The following PLEKHA5 variants were observed in gnomAD, a reference collection of about 807,000 sequenced individuals.
PLEKHA5 encodes pleckstrin homology domain-containing family A member 5.
Under a neutral mutation model 181.9 loss-of-function variants are expected in PLEKHA5, and 55 were observed. That is an observed-to-expected ratio of 0.30 (90% confidence interval 0.24 to 0.38). The LOEUF is 0.38. Among genes scored for constraint, PLEKHA5 ranks in the 10% least tolerant of loss-of-function variants. PLEKHA5 has a pLI of 1.00. For missense variants in PLEKHA5, 1,432 were observed against 1,549.5 expected, an observed-to-expected ratio of 0.92 and a Z score of 1.27; for synonymous variants, 535 against 529.4, an observed-to-expected ratio of 1.01 and a Z score of -0.15.
chr12:19,359,686 G>A (rs1285050302), intron 28 of PLEKHA5, 140 bp downstream of exon 28: 36 of 824,386 alleles, frequency 4.4e-5, no homozygotes, highest in Admixed American at 5.6e-5. Flanking sequence ...CTTTCTGGCC[G>A]GGCGCGGTGG....
intron 3 of PLEKHA5, among the ~76,000 whole-genome samples, chr12:19,142,670 A>G (rs776149040): frequency 4.6e-5 from 7 of 152,176 alleles, no homozygotes; most frequent in Non-Finnish European, 7.3e-5. Flanking sequence ...TAGTCAATCA[A>G]ATTCACATAT....
At chr12:19,204,843 G>A (rs2152103278) in intron 3 of PLEKHA5, among the ~76,000 whole-genome samples, 1 of 152,192 alleles carries the variant, frequency 6.6e-6, no homozygotes, top group Non-Finnish European at 1.5e-5. Context: ...TTTTCAGATT[G>A]TTTTACTTGG....
chr12:19,152,735 A>G (rs1001837840), intron 3 of PLEKHA5: 3 of 152,216 alleles, frequency 2.0e-5, no homozygotes, highest in Non-Finnish European at 4.4e-5. Flanking sequence ...AGCACTGCAC[A>G]TGATACTCAG....
At chr12:19,369,063 C>A (rs2095510003) in intron 30 of PLEKHA5, among the ~76,000 whole-genome samples, 2 of 151,852 alleles carry the variant, frequency 1.3e-5, no homozygotes, top group African/African-American at 4.8e-5. Flanking sequence ...GAGACAAAGT[C>A]TTGCTCTCTT....
At chr12:19,270,542 T>C (rs770761045) in intron 10 of PLEKHA5, among the ~76,000 whole-genome samples, 1 of 152,184 alleles carries the variant, frequency 6.6e-6, no homozygotes, top group African/African-American at 2.4e-5. Flanking sequence ...CTTGATAATA[T>C]AGATAAGTGC....
At chr12:19,269,331 G>GA (rs1316758756) in intron 8 of PLEKHA5, among the ~76,000 whole-genome samples, 2 of 144,812 alleles carry the variant, frequency 1.4e-5, no homozygotes, top group East Asian at 4.1e-4. Flanking sequence ...ATGTTGCAGT[G>GA]AACCAAGATT....
chr12:19,196,082 A>C (rs1201942579), intron 3 of PLEKHA5, among the ~76,000 whole-genome samples: 1 of 152,172 alleles, frequency 6.6e-6, no homozygotes, highest in Non-Finnish European at 1.5e-5. Context: ...CATGACATTG[A>C]ACAGTATTTT....
intron 3 of PLEKHA5, among the ~76,000 whole-genome samples, chr12:19,165,431 T>C (rs1714108277): frequency 6.7e-6 from 1 of 150,132 alleles, no homozygotes; most frequent in African/African-American, 2.4e-5. Flanking sequence ...CTTTTCTGTG[T>C]ACTCTATTTT....
At chr12:19,342,836 A>G (rs935249995) in intron 21 of PLEKHA5, among the ~76,000 whole-genome samples, 2 of 152,128 alleles carry the variant, frequency 1.3e-5, no homozygotes, top group African/African-American at 2.4e-5. Flanking sequence ...TCATCTTGAT[A>G]TATTTTGTTA....
intron 20 of PLEKHA5, among the ~76,000 whole-genome samples, chr12:19,328,589 GTGTGTGTGTA>G (rs2092512065): frequency 1.3e-5 from 2 of 150,644 alleles, no homozygotes; most frequent in African/African-American, 2.4e-5. Flanking sequence ...GTGTGTGTGT[GTGTGTGTGTA>G]TTGTAAATGG....
rs570864217 is a variant in PLEKHA5 at position 19,146,764 on chromosome 12, C to T, written c.227+14314C>T. ...CAGGAATATGCTCTCTGTTTTGTGA[C>T]CACAGTGTGCATCTTCATAAGCCTG... On this transcript the variant is annotated intron_variant, in intron 3 of 31. Coordinates refer to ENST00000429027, the MANE Select transcript of PLEKHA5 (RefSeq NM_001256470.2). Among the ~76,000 whole-genome samples, 50 of 152,270 alleles carry T rather than the reference C, an allele frequency of 3.3e-4. No individual in the cohort carries two copies. The South Asian group carries it at 7.5e-3, about 23-fold the overall frequency.
At chr12:19,220,679 G>A (rs148400137) in intron 3 of PLEKHA5, among the ~76,000 whole-genome samples, 4 of 152,182 alleles carry the variant, frequency 2.6e-5, no homozygotes, top group Admixed American at 2.6e-4. Context: ...AAGTTGAGTC[G>A]TTTATTATTG....
chr12:19,363,418 T>C (rs948708247), intron 29 of PLEKHA5, among the ~76,000 whole-genome samples: 30 of 151,802 alleles, frequency 2.0e-4, no homozygotes, highest in African/African-American at 7.0e-4. Flanking sequence ...CAGCCCGCCT[T>C]GGCCTCCCAA....
chr12:19,154,737 A>G (rs2041273477), intron 3 of PLEKHA5: 1 of 152,220 alleles, frequency 6.6e-6, no homozygotes, highest in Admixed American at 6.5e-5. Context: ...GGAATCTACT[A>G]GTAACATATT....
At chr12:19,309,295 T>C (rs1222898559) in intron 15 of PLEKHA5, among the ~76,000 whole-genome samples, 1 of 152,090 alleles carries the variant, frequency 6.6e-6, no homozygotes, top group Non-Finnish European at 1.5e-5. Context: ...GAATTTTTTT[T>C]CCTGAAATAA....
intron 10 of PLEKHA5, among the ~76,000 whole-genome samples, chr12:19,274,035 G>C (rs949251171): frequency 6.6e-6 from 1 of 152,176 alleles, no homozygotes; most frequent in Non-Finnish European, 1.5e-5. Flanking sequence ...AACAAAAGGA[G>C]TTAATTATAT....
intron 20 of PLEKHA5, among the ~76,000 whole-genome samples, chr12:19,327,428 A>G (rs1592505107): frequency 6.6e-6 from 1 of 151,362 alleles, no homozygotes; most frequent in Non-Finnish European, 1.5e-5. Context: ...CCCATTTTTT[A>G]AAAGGGTTAT....
At chr12:19,296,389 A>G (rs1341844374) in intron 15 of PLEKHA5, among the ~76,000 whole-genome samples, 1 of 151,986 alleles carries the variant, frequency 6.6e-6, no homozygotes, top group Non-Finnish European at 1.5e-5. Context: ...CTCTACTAAA[A>G]ACACAAAAAT....
intron 3 of PLEKHA5, among the ~76,000 whole-genome samples, chr12:19,187,538 C>T (rs2050142429): frequency 6.6e-6 from 1 of 152,126 alleles, no homozygotes; most frequent in Non-Finnish European, 1.5e-5. Flanking sequence ...CTTGGCTTTA[C>T]CCCTAGTTAG....
Sources: gnomAD v4.1 joint callset for allele counts (sites outside exome capture counted in the v4.1 genomes callset) on GRCh38, gnomAD v4.1.1 for gene constraint, MANE v1.5 for transcripts, NCBI Gene and HGNC (gene_info 2026-07-23, HGNC 2026-07-21) for gene names.